Variants in EYS observed in about 807,000 individuals in gnomAD.
The protein encoded by EYS is EGF-like photoreceptor maintenance factor, also known as protein eyes shut homolog.
Under a neutral mutation model 282.1 loss-of-function variants are expected in EYS, and 250 were observed. The observed-to-expected ratio is 0.89, with a 90% CI of 0.80 to 0.98. The LOEUF (loss-of-function observed/expected upper bound fraction) is 0.98. Among genes scored for constraint, EYS ranks in the 50% least tolerant of loss-of-function variants. The pLI is 0.00. For synonymous variants in EYS, 1,355 were observed against 1,282.9 expected, an observed-to-expected ratio of 1.06 and a Z score of -1.20; for missense variants, 4,016 against 3,709.0, an observed-to-expected ratio of 1.08 and a Z score of -2.15.
At chr6:64,577,337 G>A (rs1252766879) in intron 26 of EYS, among the ~76,000 whole-genome samples, 1 of 151,940 alleles carries the variant, frequency 6.6e-6, no homozygotes, top group East Asian at 1.9e-4. Context: ...ATAATCAAAT[G>A]TCATGTCTTC....
chr6:64,384,201 C>T lies in EYS; in HGVS notation c.6078+4489G>A, dbSNP rs573043808. Among the ~76,000 whole-genome samples, 16 of 152,264 alleles carry T rather than the reference C, an allele frequency of 1.1e-4. No homozygotes were observed. The South Asian group carries it at 3.3e-3, about 32-fold the overall frequency. ...TGACTTTGTAAGTCAATGTCTTGAA[C>T]ATACCTGAAGTGCATAACACTCATT... On this transcript the variant is annotated intron_variant, in intron 29 of 42. Coordinates refer to ENST00000503581, the MANE Select transcript of EYS (RefSeq NM_001142800.2).
intron 12 of EYS, among the ~76,000 whole-genome samples, chr6:65,232,902 T>C (rs1766820408): frequency 6.6e-6 from 1 of 152,164 alleles, no homozygotes; most frequent in Non-Finnish European, 1.5e-5. Flanking sequence ...ATATTATAGA[T>C]ACTGTGACTT....
intron 36 of EYS, among the ~76,000 whole-genome samples, chr6:63,840,998 C>T (rs1562053977): frequency 6.6e-6 from 1 of 152,082 alleles, no homozygotes; most frequent in Admixed American, 6.6e-5. Context: ...CTTGGCTATT[C>T]AAAGTCTTTG....
chr6:63,756,550 G>A (rs1414082431), intron 41 of EYS, among the ~76,000 whole-genome samples: 1 of 152,002 alleles, frequency 6.6e-6, no homozygotes, highest in Non-Finnish European at 1.5e-5. Flanking sequence ...GAGGATTTTT[G>A]TATCAATGTT....
intron 26 of EYS, among the ~76,000 whole-genome samples, chr6:64,523,012 A>G (rs1005767062): frequency 1.3e-5 from 2 of 151,558 alleles, no homozygotes; most frequent in African/African-American, 4.8e-5. Context: ...AAAAATGTCA[A>G]GGGTTGATAT....
intron 2 of EYS, among the ~76,000 whole-genome samples, chr6:65,535,168 T>C (rs1767917634): frequency 6.6e-6 from 1 of 152,136 alleles, no homozygotes; most frequent in East Asian, 1.9e-4. Flanking sequence ...AATCTCAGTC[T>C]GAGTCTGAAG....
chr6:64,796,332 T>C (rs149265300), intron 22 of EYS, among the ~76,000 whole-genome samples: 1 of 152,146 alleles, frequency 6.6e-6, no homozygotes, highest in East Asian at 1.9e-4. Flanking sequence ...GTAGAATAAG[T>C]AGCAAGGAGA....
intron 22 of EYS, among the ~76,000 whole-genome samples, chr6:64,700,985 A>G (rs537248703): frequency 6.6e-6 from 1 of 152,248 alleles, no homozygotes; most frequent in Admixed American, 6.5e-5. Flanking sequence ...ACAAGGCTAT[A>G]GTAACCCAAA....
intron 30 of EYS, among the ~76,000 whole-genome samples, chr6:64,258,611 A>G (rs1767481687): frequency 6.6e-6 from 1 of 152,134 alleles, no homozygotes; most frequent in African/African-American, 2.4e-5. Context: ...CAAAGTCAGC[A>G]TAGTTATCAC....
chr6:65,465,989 TC>T (rs1764984690), intron 5 of EYS, among the ~76,000 whole-genome samples: 1 of 151,756 alleles, frequency 6.6e-6, no homozygotes, highest in Non-Finnish European at 1.5e-5. Context: ...AATCAATCAA[TC>T]AATCAATCAA....
chr6:64,459,127 T>C (rs1775660633), intron 26 of EYS, among the ~76,000 whole-genome samples: 1 of 152,190 alleles, frequency 6.6e-6, no homozygotes, highest in African/African-American at 2.4e-5. Flanking sequence ...AAATAATTTA[T>C]AAGTAACTAT....
intron 19 of EYS, among the ~76,000 whole-genome samples, chr6:64,835,350 T>C (rs966702864): frequency 4.0e-5 from 6 of 151,644 alleles, no homozygotes; most frequent in African/African-American, 1.5e-4. Context: ...ATAGAGATTG[T>C]TGTTGAGGGA....
chr6:65,437,438 G>T (rs1202758044), intron 5 of EYS, among the ~76,000 whole-genome samples: 3 of 152,068 alleles, frequency 2.0e-5, no homozygotes, highest in Non-Finnish European at 4.4e-5. Context: ...TCTTCAGTAT[G>T]CAGTTTTTTC....
At chr6:65,046,211 C>A (rs1773094984) in intron 13 of EYS, among the ~76,000 whole-genome samples, 1 of 151,858 alleles carries the variant, frequency 6.6e-6, no homozygotes. Context: ...AAAAATCACA[C>A]AAGTTTGAAG....
intron 19 of EYS, among the ~76,000 whole-genome samples, chr6:64,873,440 C>A (rs530693031): frequency 3.3e-5 from 5 of 152,062 alleles, no homozygotes; most frequent in African/African-American, 1.2e-4. Context: ...GGAAAGAATC[C>A]TTTCAAACAT....
intron 5 of EYS, among the ~76,000 whole-genome samples, chr6:65,430,187 C>G (rs192075142): frequency 6.6e-6 from 1 of 152,118 alleles, no homozygotes. Flanking sequence ...AGGAAAAACA[C>G]GTCACAATAA....
chr6:64,838,203 G>T (rs921093998), intron 19 of EYS, among the ~76,000 whole-genome samples: 1 of 151,808 alleles, frequency 6.6e-6, no homozygotes, highest in South Asian at 2.1e-4. Context: ...AGCATAGTTT[G>T]GGATTTGACT....
chr6:64,367,264 C>G (rs1772211898), intron 29 of EYS, among the ~76,000 whole-genome samples: 1 of 152,170 alleles, frequency 6.6e-6, no homozygotes, highest in East Asian at 1.9e-4. Flanking sequence ...CTCATGGACA[C>G]TGATCCAAGC....
At chr6:64,343,190 T>C (rs997389435) in intron 29 of EYS, among the ~76,000 whole-genome samples, 1 of 152,014 alleles carries the variant, frequency 6.6e-6, no homozygotes, top group Admixed American at 6.6e-5. Context: ...TGAACTCAGC[T>C]CTGCACCAAG....
Sources: allele counts gnomAD v4.1 joint callset (sites outside exome capture counted in the v4.1 genomes callset), GRCh38; gene constraint gnomAD v4.1.1; transcripts MANE v1.5; gene names NCBI Gene and HGNC (gene_info 2026-07-23, HGNC 2026-07-21).